The following ENKUR variants were observed in gnomAD, a reference collection of about 807,000 sequenced individuals.
ENKUR encodes the protein enkurin, TRPC channel interacting protein.
ENKUR carries 19 observed loss-of-function variants against 27.6 expected under a neutral mutation model. The ratio of observed to expected loss-of-function variants is 0.69; its 90% CI spans 0.48 to 1.01. ENKUR has a LOEUF of 1.01. ENKUR is among the 50% of genes least tolerant of loss of function. The probability of loss-of-function intolerance (pLI) is 0.00; values close to 1 mark genes in which losing one functional copy is unlikely to be tolerated. For synonymous variants in ENKUR, 117 were observed against 96.9 expected (o/e 1.21, Z -1.22); for missense variants, 312 against 310.5 (o/e 1.00, Z -0.04).
chr10:24,994,793 G>A (rs1204489401), intron 3 of ENKUR, among the ~76,000 whole-genome samples: 2 of 151,984 alleles, frequency 1.3e-5, no homozygotes, highest in East Asian at 3.9e-4. Context: ...AGGCTGAGGT[G>A]GGTGGATCAC....
At chr10:25,008,348 C>T (rs1428141012) in intron 1 of ENKUR, among the ~76,000 whole-genome samples, 1 of 152,142 alleles carries the variant, frequency 6.6e-6, no homozygotes, top group South Asian at 2.1e-4. Context: ...AATTAGTTAG[C>T]AAAGTGGGTA....
chr10:25,059,132 CTT>C (rs759162602), intron 2 of ENKUR, among the ~76,000 whole-genome samples: 8,838 of 120,284 alleles, frequency 0.073, 224 homozygotes, highest in African/African-American at 0.11. Context: ...CTTTTTCTTT[CTT>C]TTTTTTTTTT....
intron 2 of ENKUR, among the ~76,000 whole-genome samples, chr10:25,031,727 C>T (rs925628123): frequency 3.5e-5 from 5 of 144,674 alleles, no homozygotes; most frequent in Non-Finnish European, 6.1e-5. Context: ...ACCATTGTCA[C>T]GTTTTTAGTT....
chr10:24,991,190 TAAGA>T (rs1564335781), intron 3 of ENKUR, among the ~76,000 whole-genome samples: 1 of 152,164 alleles, frequency 6.6e-6, no homozygotes. Flanking sequence ...ACTTTACTCC[TAAGA>T]GTTGGCTTTT....
intron 4 of ENKUR, among the ~76,000 whole-genome samples, chr10:24,988,047 C>T (rs1849816969): frequency 6.6e-6 from 1 of 151,578 alleles, no homozygotes; most frequent in Non-Finnish European, 1.5e-5. Flanking sequence ...ACAGCGAAAC[C>T]CCATCTTTAC....
At chr10:25,040,966 G>A (rs1053455497) in intron 2 of ENKUR, among the ~76,000 whole-genome samples, 1 of 152,130 alleles carries the variant, frequency 6.6e-6, no homozygotes, top group Non-Finnish European at 1.5e-5. Context: ...AAATATATGA[G>A]TAAGATGTGT....
intron 2 of ENKUR, among the ~76,000 whole-genome samples, chr10:25,041,542 A>G (rs1447453613): frequency 2.0e-5 from 3 of 151,980 alleles, no homozygotes; most frequent in Non-Finnish European, 4.4e-5. Context: ...AGATGTTTTC[A>G]TGTTGTCAAA....
intron 2 of ENKUR, chr10:25,026,483 A>C: frequency 6.0e-6 from 1 of 167,224 alleles, no homozygotes. Context: ...TTTGGAGTCA[A>C]TTCTTACGTA....
chr10:25,060,377 A>G (rs1851313342), intron 2 of ENKUR, among the ~76,000 whole-genome samples: 1 of 152,180 alleles, frequency 6.6e-6, no homozygotes. Flanking sequence ...ATTGGTCCAC[A>G]CTGCTCTAAT....
intron 2 of ENKUR, chr10:25,026,234 ATCTCACACTG>A (rs1850849720): frequency 6.0e-6 from 1 of 166,916 alleles, no homozygotes. Context: ...ACTAATGTGT[ATCTCACACTG>A]TCCAAATTAA....
chr10:25,023,747 G>A (rs1255344470), intron 2 of ENKUR: 13 of 1,613,776 alleles, frequency 8.1e-6, no homozygotes, highest in Non-Finnish European at 1.1e-5. Flanking sequence ...AGGATTGTAG[G>A]TCAGAATTCT....
intron 3 of ENKUR, among the ~76,000 whole-genome samples, chr10:24,994,722 T>G (rs1344615089): frequency 2.0e-5 from 3 of 152,168 alleles, no homozygotes; most frequent in Non-Finnish European, 4.4e-5. Context: ...AGCTTTTTTA[T>G]TTTAAAGATC....
chr10:25,006,737 A>G (rs900961701), intron 1 of ENKUR, among the ~76,000 whole-genome samples: 1 of 152,224 alleles, frequency 6.6e-6, no homozygotes, highest in African/African-American at 2.4e-5. Context: ...TATAGATGTT[A>G]CTGAAGCAAA....
chr10:25,024,948 T>A lies in ENKUR; in HGVS notation c.38-29079A>T, dbSNP rs771455021. 26 of 1,614,064 alleles carry A rather than the reference T, an allele frequency of 1.6e-5. 1 individual carries two copies. In the Admixed American group the frequency reaches 4.0e-4, roughly 25 times the overall value. ...TCAAATCTTCAAACCTAGAACGACA[T>A]TTACACTTGATGGCTAATAAAGATG... On this transcript the variant is annotated intron_variant, in intron 2 of 5. Transcript: ENST00000615958.
intron 2 of ENKUR, among the ~76,000 whole-genome samples, chr10:25,048,261 A>C (rs1851142709): frequency 6.6e-6 from 1 of 152,144 alleles, no homozygotes; most frequent in African/African-American, 2.4e-5. Flanking sequence ...CTAATTGATA[A>C]GTGGGAAAAC....
chr10:25,035,885 T>C (rs1304420052), intron 2 of ENKUR, among the ~76,000 whole-genome samples: 1 of 152,228 alleles, frequency 6.6e-6, no homozygotes, highest in Non-Finnish European at 1.5e-5. Context: ...ATCTTGATCT[T>C]TGGGCGTCAG....
intron 1 of ENKUR, among the ~76,000 whole-genome samples, chr10:25,010,999 A>G (rs1850431620): frequency 6.6e-6 from 1 of 150,786 alleles, no homozygotes; most frequent in South Asian, 2.1e-4. Flanking sequence ...TTCTAGTTCT[A>G]GATCCCTGAG....
intron 2 of ENKUR, among the ~76,000 whole-genome samples, chr10:25,042,149 C>A (rs1414796569): frequency 1.3e-5 from 2 of 151,806 alleles, no homozygotes; most frequent in African/African-American, 2.4e-5. Flanking sequence ...ATTGTATCTG[C>A]AACTTACTCT....
At chr10:25,049,018 C>T (rs927390371) in intron 2 of ENKUR, among the ~76,000 whole-genome samples, 1 of 152,120 alleles carries the variant, frequency 6.6e-6, no homozygotes, top group Admixed American at 6.5e-5. Context: ...ATTAAGAAGG[C>T]TGGCTTTGAA....
Sources: gnomAD v4.1 joint callset for allele counts (sites outside exome capture counted in the v4.1 genomes callset) on GRCh38, gnomAD v4.1.1 for gene constraint, MANE v1.5 for transcripts, NCBI Gene and HGNC (gene_info 2026-07-23, HGNC 2026-07-21) for gene names.